Variants in GRIN2B observed in about 807,000 individuals in gnomAD.
The protein encoded by GRIN2B is glutamate ionotropic receptor NMDA type subunit 2B.
GRIN2B carries 5 observed loss-of-function variants against 114.5 expected under a neutral mutation model. The ratio of observed to expected loss-of-function variants is 0.04; its 90% CI spans 0.02 to 0.09. The LOEUF (loss-of-function observed/expected upper bound fraction) is 0.09, where lower values mean the gene tolerates loss of function less well. GRIN2B is among the 10% of genes least tolerant of loss of function. GRIN2B has a pLI of 1.00. For missense variants in GRIN2B, 1,108 were observed against 1,943.5 expected (o/e 0.57, Z 8.08); for synonymous variants, 787 against 745.1 (o/e 1.06, Z -0.92).
chr12:13,971,460 G>C (rs1282236249), intron 2 of GRIN2B, among the ~76,000 whole-genome samples: 1 of 152,110 alleles, frequency 6.6e-6, no homozygotes, highest in African/African-American at 2.4e-5. Flanking sequence ...GTTACAGTCA[G>C]AGAAGAACGA....
At chr12:13,789,543 T>A (rs1864281612) in intron 3 of GRIN2B, among the ~76,000 whole-genome samples, 1 of 152,180 alleles carries the variant, frequency 6.6e-6, no homozygotes, top group Non-Finnish European at 1.5e-5. Flanking sequence ...AAGATCAGTT[T>A]TTTTTTAGTC....
chr12:13,553,340 AT>A lies in GRIN2B; in HGVS notation c.*9442del, dbSNP rs763390259. ...AGAAAGGAGTAGTTTAGAGACTAGC[AT>A]TCTCTCTGAGCCAGCTCATTCAAAT... On this transcript the variant is annotated 3_prime_UTR_variant, in exon 14 of 14. Coordinates refer to ENST00000609686, the MANE Select transcript of GRIN2B (RefSeq NM_000834.5). 2.0e-5 allele frequency: 3 copies of A among 152,234 alleles called. No homozygotes were observed. The highest frequency in any genetic ancestry group is 4.4e-5 in the Non-Finnish European group (3 of 68,030). 9.4% of individuals were successfully genotyped at this position (152,234 alleles called of 1,614,324 possible).
chr12:13,619,392 A>G (rs763057954), intron 5 of GRIN2B, among the ~76,000 whole-genome samples: 9 of 152,242 alleles, frequency 5.9e-5, no homozygotes, highest in Non-Finnish European at 4.4e-5. Context: ...AAGGGAAGGT[A>G]CGAATGATCC....
At chr12:13,793,239 G>A (rs1864351572) in intron 3 of GRIN2B, among the ~76,000 whole-genome samples, 1 of 152,134 alleles carries the variant, frequency 6.6e-6, no homozygotes, top group African/African-American at 2.4e-5. Context: ...TGGCCAACAT[G>A]GTGAAACCCA....
intron 2 of GRIN2B, among the ~76,000 whole-genome samples, chr12:13,885,884 G>A (rs577340075): frequency 6.6e-6 from 1 of 152,282 alleles, no homozygotes; most frequent in East Asian, 1.9e-4. Context: ...CAAGCAACCT[G>A]CATCAGAAAC....
chr12:13,709,413 C>T (rs569807771), intron 4 of GRIN2B, among the ~76,000 whole-genome samples: 6 of 152,022 alleles, frequency 3.9e-5, no homozygotes, highest in Non-Finnish European at 8.8e-5. Flanking sequence ...AATACTCAAA[C>T]AAGCAATCAT....
rs1402629320 is a variant in GRIN2B, at chr12:13,954,825, A to AAC, written c.-19+25102_-19+25103insGT. On this transcript the variant is annotated intron_variant, in intron 2 of 13. Transcript: ENST00000609686. The stretch of plus-strand genomic sequence containing the variant: ...CTCCGTCTCAGGAAAAAAAAAAAAA[A>AAC]AAAACTTTTTCTTCTTTGAAGGGAC... Among the ~76,000 whole-genome samples the AAC allele has an allele frequency of 1.0e-3, 155 of 148,178 alleles. 15 individuals are homozygous for AAC. In the East Asian group the frequency reaches 0.018, roughly 17 times the overall value.
At position 13,545,586 on chromosome 12, in the gene GRIN2B, A is replaced by G; in HGVS notation, c.*17197T>C. 6.6e-6 allele frequency: 1 copy of G among 152,222 alleles called. No homozygotes were observed. The highest frequency in any genetic ancestry group is 1.9e-4 in the East Asian group (1 of 5,192). The allele number at this position is 152,222 out of a possible 1,614,324, so 9.4% of individuals were successfully genotyped here. Reference sequence around the variant, plus strand: ...CTCCTCCCCCAAAACCTGGATATTTATTCTAAGTGTTTCTAAATTTTAACC... The same window carrying G: ...CTCCTCCCCCAAAACCTGGATATTTGTTCTAAGTGTTTCTAAATTTTAACC... On this transcript the variant is annotated 3_prime_UTR_variant, in exon 14 of 14. Transcript: ENST00000609686.
rs138979002 is a variant in GRIN2B at position 13,603,642 on chromosome 12, T to G, written c.2010+4961A>C. ...ATAATAATAACAATGATAATCATTA[T>G]TAGTAGTAGTAATAGTAGTGGTGGT... On this transcript the variant is annotated intron_variant, in intron 10 of 13. Transcript: ENST00000609686. Among the ~76,000 whole-genome samples, 6 of 151,854 alleles carry G rather than the reference T, an allele frequency of 4.0e-5. No homozygotes were observed. In the East Asian group the frequency reaches 7.7e-4, roughly 20 times the overall value.
chr12:13,757,407 T>C (rs1030052770), intron 3 of GRIN2B, among the ~76,000 whole-genome samples: 1 of 152,120 alleles, frequency 6.6e-6, no homozygotes, highest in Non-Finnish European at 1.5e-5. Context: ...AGGGAAATCT[T>C]CATGTGTGCA....
In GRIN2B at chr12:13,558,995, T is replaced by C. The variant is rs933243498; in HGVS notation, c.*3788A>G. ...AGGGTACAAAGCGAGAAAGCATGGA[T>C]TCTGAAGAACATGGGAATATTAGGT... On this transcript the variant is annotated 3_prime_UTR_variant, in exon 14 of 14. Transcript: ENST00000609686. 6.6e-6 allele frequency: 1 copy of C among 152,206 alleles called. No individual in the cohort carries two copies. Among genetic ancestry groups the C allele is most frequent in the Admixed American group, 6.5e-5 (1 of 15,274 alleles). The allele number at this position is 152,206 out of a possible 1,614,324, so 9.4% of individuals were successfully genotyped here. A position where few individuals can be genotyped will look rare whatever the true frequency, so the allele number is the denominator to read the frequency against.
Position 13,611,856 on chromosome 12 carries a change from G to C in GRIN2B, c.1655-6C>G. The stretch of plus-strand genomic sequence containing the variant: ...TACGTCAGCGCTGAATGGCTCTGAG[G>C]AAGGGAAAAAAGCAGTGCTCAGGGT... On this transcript the variant is annotated splice_polypyrimidine_tract_variant and splice_region_variant and intron_variant, in intron 8 of 13. Coordinates refer to ENST00000609686, the MANE Select transcript of GRIN2B (RefSeq NM_000834.5). The C allele has an allele frequency of 6.2e-7, 1 of 1,613,370 alleles. No homozygotes were observed.
intron 3 of GRIN2B, among the ~76,000 whole-genome samples, chr12:13,819,536 T>C (rs1248850146): frequency 9.2e-5 from 14 of 152,158 alleles, no homozygotes; most frequent in Non-Finnish European, 1.5e-4. Flanking sequence ...GTTCAAAAAT[T>C]TTCAGATTTT....
At chr12:13,868,772 GA>G (rs1865863735) in intron 2 of GRIN2B, among the ~76,000 whole-genome samples, 1 of 152,140 alleles carries the variant, frequency 6.6e-6, no homozygotes, top group African/African-American at 2.4e-5. Flanking sequence ...GACACCCAAA[GA>G]ATAGCATCTG....
intron 3 of GRIN2B, among the ~76,000 whole-genome samples, chr12:13,778,764 AC>A (rs751003960): frequency 6.6e-4 from 100 of 152,154 alleles, no homozygotes; most frequent in Admixed American, 1.7e-3. Flanking sequence ...TGAAACCCGT[AC>A]TTTTAAGTAA....
chr12:13,712,664 T>C (rs1950425025), intron 4 of GRIN2B, among the ~76,000 whole-genome samples: 1 of 151,916 alleles, frequency 6.6e-6, no homozygotes, highest in Admixed American at 6.6e-5. Context: ...TTTGTTTCCA[T>C]TAGAATTTTA....
At chr12:13,933,119 G>T (rs1355701751) in intron 2 of GRIN2B, among the ~76,000 whole-genome samples, 10 of 152,140 alleles carry the variant, frequency 6.6e-5, no homozygotes, top group Admixed American at 6.5e-4. Flanking sequence ...TTCAACCAGG[G>T]GTGATCACAG....
intron 4 of GRIN2B, among the ~76,000 whole-genome samples, chr12:13,681,315 T>C (rs1950129792): frequency 6.6e-6 from 1 of 152,198 alleles, no homozygotes; most frequent in African/African-American, 2.4e-5. Context: ...CTTTTGTGAT[T>C]AGATGACAAG....
chr12:13,915,713 T>C (rs1301180147), intron 2 of GRIN2B, among the ~76,000 whole-genome samples: 2 of 152,270 alleles, frequency 1.3e-5, no homozygotes, highest in East Asian at 1.9e-4. Flanking sequence ...GGCCACTGCA[T>C]TGGCTAGCAC....
Sources: allele counts gnomAD v4.1 joint callset (sites outside exome capture counted in the v4.1 genomes callset), GRCh38; gene constraint gnomAD v4.1.1; transcripts MANE v1.5; gene names NCBI Gene and HGNC (gene_info 2026-07-23, HGNC 2026-07-21).